The following MACROD2 variants were observed in gnomAD, a reference collection of about 807,000 sequenced individuals.
MACROD2 encodes mono-ADP ribosylhydrolase 2.
Under a neutral mutation model 70.4 loss-of-function variants are expected in MACROD2, and 36 were observed. The observed-to-expected ratio is 0.51, with a 90% CI of 0.39 to 0.68. MACROD2 has a LOEUF of 0.68. Among genes scored for constraint, MACROD2 ranks in the 30% least tolerant of loss-of-function variants. The probability of loss-of-function intolerance (pLI) is 0.00; values close to 1 mark genes in which losing one functional copy is unlikely to be tolerated. For synonymous variants in MACROD2, 172 were observed against 178.8 expected, an observed-to-expected ratio of 0.96 and a Z score of 0.30; for missense variants, 496 against 538.4, an observed-to-expected ratio of 0.92 and a Z score of 0.78.
At chr20:15,024,376 AGAG>A (rs976086574) in intron 5 of MACROD2, among the ~76,000 whole-genome samples, 4 of 152,272 alleles carry the variant, frequency 2.6e-5, no homozygotes, top group East Asian at 1.9e-4. Flanking sequence ...AAGAAGAAAA[AGAG>A]GAGGAAGAAG....
chr20:15,509,204 A>G (rs1239043349), intron 8 of MACROD2, among the ~76,000 whole-genome samples: 1 of 152,252 alleles, frequency 6.6e-6, no homozygotes, highest in African/African-American at 2.4e-5. Context: ...TGCTTTTTAT[A>G]AAATCAGTCT....
At chr20:15,503,721 G>A (rs1449969405) in intron 8 of MACROD2, among the ~76,000 whole-genome samples, 9 of 151,828 alleles carry the variant, frequency 5.9e-5, no homozygotes, top group Non-Finnish European at 1.0e-4. Context: ...ACCTGCTTAC[G>A]CGTGGCCCCA....
At chr20:15,672,095 A>G (rs760052587) in intron 8 of MACROD2, among the ~76,000 whole-genome samples, 31 of 152,210 alleles carry the variant, frequency 2.0e-4, no homozygotes, top group Non-Finnish European at 3.8e-4. Context: ...AAAAGGAAAT[A>G]GTAAGGTTTA....
intron 4 of MACROD2, among the ~76,000 whole-genome samples, chr20:14,635,770 G>A (rs1022762217): frequency 2.0e-5 from 3 of 152,156 alleles, no homozygotes; most frequent in Admixed American, 6.5e-5. Context: ...AATAATGAAT[G>A]TTACATGTTG....
chr20:15,278,277 A>G (rs2146082242), intron 6 of MACROD2, among the ~76,000 whole-genome samples: 1 of 152,342 alleles, frequency 6.6e-6, no homozygotes, highest in East Asian at 1.9e-4. Flanking sequence ...AGGAAGAGGA[A>G]TCCTCATTAT....
rs181602839 is a variant in MACROD2, at chr20:14,823,020, A to G, written c.418+138061A>G. 4.6e-5 allele frequency among the ~76,000 whole-genome samples: 7 copies of G among 152,240 alleles called. No homozygotes were observed. The East Asian group carries it at 1.4e-3, about 29-fold the overall frequency. ...AAGTATACTTAAATGGCATGGCCAA[A>G]CCATTGAAGAAATACAACAGTGATG... On this transcript the variant is annotated intron_variant, in intron 5 of 17. Transcript: ENST00000684519.
chr20:14,340,178 G>A (rs1485082730), intron 3 of MACROD2, among the ~76,000 whole-genome samples: 2 of 152,162 alleles, frequency 1.3e-5, no homozygotes, highest in African/African-American at 4.8e-5. Flanking sequence ...TAATAGGAAG[G>A]GAGGAGGTGG....
chr20:15,606,239 A>G (rs1460208160), intron 8 of MACROD2, among the ~76,000 whole-genome samples: 2 of 152,124 alleles, frequency 1.3e-5, no homozygotes, highest in Admixed American at 6.5e-5. Flanking sequence ...AGCAGAACAT[A>G]TAAGAATTTG....
chr20:15,527,577 A>T (rs1359596121), intron 8 of MACROD2, among the ~76,000 whole-genome samples: 1 of 152,146 alleles, frequency 6.6e-6, no homozygotes, highest in Non-Finnish European at 1.5e-5. Flanking sequence ...TCCCTATATC[A>T]TAACTACCCA....
intron 5 of MACROD2, among the ~76,000 whole-genome samples, chr20:14,703,749 C>T (rs566108703): frequency 1.7e-4 from 26 of 151,758 alleles, no homozygotes; most frequent in Admixed American, 1.1e-3. Flanking sequence ...TTTTTTCAGA[C>T]GAAGTCTGGC....
intron 5 of MACROD2, among the ~76,000 whole-genome samples, chr20:14,700,107 T>A (rs1040997437): frequency 6.6e-6 from 1 of 151,516 alleles, no homozygotes; most frequent in Non-Finnish European, 1.5e-5. Flanking sequence ...GTTTAAAGTT[T>A]AAATTTTAAA....
intron 3 of MACROD2, among the ~76,000 whole-genome samples, chr20:14,355,938 CG>C (rs1315619209): frequency 6.6e-6 from 1 of 151,928 alleles, no homozygotes; most frequent in Non-Finnish European, 1.5e-5. Context: ...GTGTCTTTCC[CG>C]ATAGAAAGAG....
At chr20:15,458,305 T>G (rs1227445983) in intron 7 of MACROD2, among the ~76,000 whole-genome samples, 1 of 152,166 alleles carries the variant, frequency 6.6e-6, no homozygotes, top group East Asian at 1.9e-4. Flanking sequence ...TCCACCTTTT[T>G]CTCCATAGGA....
chr20:15,033,106 A>T (rs2075287800), intron 5 of MACROD2, among the ~76,000 whole-genome samples: 1 of 152,124 alleles, frequency 6.6e-6, no homozygotes, highest in Non-Finnish European at 1.5e-5. Context: ...ATAGGTACAG[A>T]GTTTCAGTAC....
intron 5 of MACROD2, among the ~76,000 whole-genome samples, chr20:15,034,409 A>G (rs920890431): frequency 1.2e-4 from 19 of 152,172 alleles, no homozygotes; most frequent in African/African-American, 4.6e-4. Context: ...CAGCAGTATC[A>G]TTTTCTGGAA....
chr20:14,643,934 T>C lies in MACROD2; in HGVS notation c.302-40909T>C, dbSNP rs539138890. On this transcript the variant is annotated intron_variant, in intron 4 of 17. Coordinates refer to ENST00000684519, the MANE Select transcript of MACROD2 (RefSeq NM_001351661.2). ...TTTTTTTAAAAAACCCAAAACTTCC[T>C]TAAGCTGTAGTTAGTCATCTATAAC... Among the ~76,000 whole-genome samples, 3 of 152,264 alleles carry C rather than the reference T, an allele frequency of 2.0e-5. No individual in the cohort carries two copies. In the South Asian group the frequency reaches 6.2e-4, roughly 32 times the overall value.
intron 8 of MACROD2, among the ~76,000 whole-genome samples, chr20:15,861,508 T>G (rs2064423597): frequency 6.6e-6 from 1 of 151,970 alleles, no homozygotes; most frequent in Admixed American, 6.6e-5. Flanking sequence ...CCATTTCCCG[T>G]TTCCCTTATA....
In MACROD2 at chr20:14,326,462, T is replaced by C. The variant is rs1252647802; in HGVS notation, c.272-167017T>C. On this transcript the variant is annotated intron_variant, in intron 3 of 17. Coordinates refer to ENST00000684519, the MANE Select transcript of MACROD2 (RefSeq NM_001351661.2). This position sits in a 1 kb window ranked among gnomAD's most constrained non-coding sequence, Gnocchi z 5.5. ...TCCTTACAATCAAACAGTTCTGCAT[T>C]GAGATCCTTAATAGCCATCCCACGA... 6.2e-6 allele frequency: 10 copies of C among 1,613,182 alleles called. No homozygotes were observed. Among genetic ancestry groups the C allele is most frequent in the Non-Finnish European group, 7.6e-6 (9 of 1,179,366 alleles).
intron 10 of MACROD2, among the ~76,000 whole-genome samples, chr20:15,897,376 G>C (rs568168777): frequency 9.2e-4 from 140 of 151,958 alleles, no homozygotes; most frequent in African/African-American, 3.3e-3. Flanking sequence ...GATGTGCCTA[G>C]GTATAGATTC....
Sources: allele counts gnomAD v4.1 joint callset (sites outside exome capture counted in the v4.1 genomes callset), GRCh38; gene constraint gnomAD v4.1.1; non-coding constraint Gnocchi (gnomAD v3.1); transcripts MANE v1.5; gene names NCBI Gene and HGNC (gene_info 2026-07-23, HGNC 2026-07-21).